ABCC3: variants seen among roughly 807,000 people sequenced by gnomAD.
ABCC3 encodes ATP binding cassette subfamily C member 3.
Under a neutral mutation model 165.3 loss-of-function variants are expected in ABCC3, and 121 were observed. That is an observed-to-expected ratio of 0.73 (90% confidence interval 0.63 to 0.85). The LOEUF (loss-of-function observed/expected upper bound fraction) is 0.85. Ranked by LOEUF, ABCC3 falls within the 40% of genes least tolerant of loss-of-function variation. The pLI is 0.00. For missense variants in ABCC3, 1,869 were observed against 1,964.1 expected (o/e 0.95, Z 0.92); for synonymous variants, 733 against 810.1 (o/e 0.90, Z 1.62).
intron 7 of ABCC3, 49 bp from the exon 8 acceptor site, chr17:50,660,874 G>A (rs1333762696): frequency 2.0e-6 from 3 of 1,520,298 alleles, no homozygotes; most frequent in African/African-American, 1.4e-5. Flanking sequence ...TGGCTTCCTG[G>A]AGCCCCTGTC....
intron 1 of ABCC3, among the ~76,000 whole-genome samples, chr17:50,637,596 C>T (rs562894941): frequency 1.4e-4 from 22 of 152,286 alleles, no homozygotes; most frequent in African/African-American, 5.1e-4. Context: ...CCCTCTGGGC[C>T]GCTCATTTAA....
chr17:50,676,960 C>G (rs1340617764), intron 23 of ABCC3, among the ~76,000 whole-genome samples: 4 of 151,818 alleles, frequency 2.6e-5, no homozygotes, highest in Admixed American at 2.6e-4. Context: ...TCTCAGCTCA[C>G]TGTAACCTCC....
chr17:50,640,044 G>A (rs190032660), intron 1 of ABCC3, among the ~76,000 whole-genome samples: 7 of 152,100 alleles, frequency 4.6e-5, no homozygotes, highest in South Asian at 2.1e-4. Context: ...GATTACAGGC[G>A]TGAGCCACCG....
chr17:50,638,245 G>A (rs769585513), intron 1 of ABCC3, among the ~76,000 whole-genome samples: 1 of 152,174 alleles, frequency 6.6e-6, no homozygotes, highest in Non-Finnish European at 1.5e-5. Flanking sequence ...GGGAGCACCT[G>A]GGTGGTGAAG....
In ABCC3 at chr17:50,673,983, TCTC is replaced by T. The variant is rs1967728521; in HGVS notation, c.2599+326_2599+328del. ...TTCTTTCTTTCTTTCTTTCTTTCTC[TCTC>T]TCTCTCTCTCTCTCTCTCTCTCTCT... On this transcript the variant is annotated intron_variant, in intron 19 of 30. Coordinates refer to ENST00000285238, the MANE Select transcript of ABCC3 (RefSeq NM_003786.4). 2.4e-3 allele frequency among the ~76,000 whole-genome samples: 12 copies of T among 4,954 alleles called. 1 individual carries two copies. The highest frequency in any genetic ancestry group is 0.012 in the South Asian group (2 of 164). The allele number at this position is 4,954 out of a possible 152,430, so 3.3% of individuals were successfully genotyped here.
At chr17:50,651,169 T>C (rs529826113) in intron 1 of ABCC3, among the ~76,000 whole-genome samples, 2 of 152,202 alleles carry the variant, frequency 1.3e-5, no homozygotes, top group South Asian at 4.1e-4. Context: ...CAGCTGTAGA[T>C]TGGTAAATCT....
chr17:50,663,544 G>T, intron 8 of ABCC3, 137 bp from the exon 9 acceptor site: 1 of 1,009,546 alleles, frequency 9.9e-7, no homozygotes, highest in Non-Finnish European at 1.4e-6. Flanking sequence ...ACCCTCCCTG[G>T]CCCAAGAGGT....
chr17:50,659,199 C>A, intron 6 of ABCC3, 38 bp from the exon 7 acceptor site: 6 of 1,608,686 alleles, frequency 3.7e-6, no homozygotes, highest in South Asian at 1.1e-5. Context: ...AACCCTGACC[C>A]TCTGCGGGGC....
chr17:50,658,140 T>C lies in ABCC3; in HGVS notation c.545T>C (p.Leu182Pro), dbSNP rs1185021292. 6.2e-7 allele frequency: 1 copy of C among 1,614,204 alleles called. No individual in the cohort carries two copies. The highest frequency in any genetic ancestry group is 1.3e-5 in the African/African-American group (1 of 75,054). ...TTCTACATCCACTTTGCCCTGGTAC[T>C]CTCTGCCCTCATCTTGGCCTGCTTC... ...TTFYIHFALV[L>P]SALILACFRE... The change falls in exon 5 of 31, where the codon CTC (leucine) becomes CCC (proline). Residue 182 changes from leucine to proline, a missense_variant. Leu to Pro is a moderately conservative substitution (Grantham distance 98, BLOSUM62 -3). Coordinates refer to ENST00000285238, the MANE Select transcript of ABCC3 (RefSeq NM_003786.4).
intron 30 of ABCC3, among the ~76,000 whole-genome samples, chr17:50,689,011 T>C (rs1433715716): frequency 6.6e-6 from 1 of 151,946 alleles, no homozygotes; most frequent in Non-Finnish European, 1.5e-5. Context: ...GAGACCAGCC[T>C]GGCCAACATG....
Position 50,684,718 on chromosome 17 carries a change from C to T in ABCC3, c.4123C>T (p.Leu1375=). The stretch of plus-strand genomic sequence containing the variant: ...CACGTTGTATCCCCAGGACCCCATC[C>T]TGTTCTCGGGGACCCTGCGCATGAA... ...QLTIIPQDPI[L]FSGTLRMNLD... Residue 1375 remains leucine (L), a synonymous_variant, in exon 29 of 31, where the codon CTG becomes TTG. Transcript: ENST00000285238. 1 of 1,614,028 alleles carries T rather than the reference C, an allele frequency of 6.2e-7. No individual in the cohort carries two copies. Among genetic ancestry groups the T allele is most frequent in the African/African-American group, 1.3e-5 (1 of 75,030 alleles).
intron 1 of ABCC3, among the ~76,000 whole-genome samples, chr17:50,654,462 T>G (rs1967181370): frequency 6.6e-6 from 1 of 152,194 alleles, no homozygotes; most frequent in African/African-American, 2.4e-5. Flanking sequence ...TCAGAGCCAG[T>G]AAAGTAACCA....
In ABCC3 at chr17:50,668,627, C is replaced by G. The variant is rs16949205; in HGVS notation, c.1870+110C>G. ...TGACCCCTTTTCTTCTTCCTCTGTT[C>G]ACATCTGCTTCGACTCTGACCTCCT... is the stretch of plus-strand genomic sequence containing the variant. On this transcript the variant is annotated intron_variant, in intron 14 of 30. Transcript: ENST00000285238. 1,295 of 938,210 alleles carry G rather than the reference C, an allele frequency of 1.4e-3. 19 individuals carry two copies. The East Asian group carries it at 0.03, about 22-fold the overall frequency. The allele number at this position is 938,210 out of a possible 1,614,324, so 58.1% of individuals were successfully genotyped here. A position where few individuals can be genotyped will look rare whatever the true frequency, so the allele number is the denominator to read the frequency against.
chr17:50,658,637 AG>A, intron 6 of ABCC3, 141 bp downstream of exon 6: 1 of 924,356 alleles, frequency 1.1e-6, no homozygotes, highest in Non-Finnish European at 1.7e-6. Flanking sequence ...AGGGCAGATG[AG>A]GGTAGGGAAG....
intron 26 of ABCC3, among the ~76,000 whole-genome samples, chr17:50,681,551 A>C (rs1282093484): frequency 1.3e-5 from 2 of 151,748 alleles, no homozygotes; most frequent in African/African-American, 2.4e-5. Flanking sequence ...CACACACGCA[A>C]ACCCTCCCCC....
rs1237945116 is a variant in ABCC3, at chr17:50,669,182, G to T, written c.1980G>T (p.Val660=). 1.4e-5 allele frequency: 22 copies of T among 1,605,674 alleles called. No individual in the cohort carries two copies. Among genetic ancestry groups the T allele is most frequent in the Non-Finnish European group, 1.9e-5 (22 of 1,177,766 alleles). The change falls in exon 16 of 31, where the codon GTG becomes GTT. Residue 660 remains valine (V), a synonymous_variant. Coordinates refer to ENST00000285238, the MANE Select transcript of ABCC3 (RefSeq NM_003786.4). ...QVPKGALVAV[V]GPVGCGKSSL... is the part of the protein sequence containing the mutation. ...CGAAAGGGGCACTGGTGGCCGTGGT[G>T]GGGCCTGTGGGCTGTGGGAAGTCCT...
At chr17:50,661,230 C>A in intron 8 of ABCC3, 116 bp downstream of exon 8, 1 of 1,109,446 alleles carries the variant, frequency 9.0e-7, no homozygotes, top group Non-Finnish European at 1.2e-6. Flanking sequence ...ACCAGGGAGG[C>A]TAGCTCCACT....
intron 19 of ABCC3, among the ~76,000 whole-genome samples, chr17:50,673,962 TTC>T (rs1285153060): frequency 4.8e-5 from 1 of 20,692 alleles, no homozygotes; most frequent in Non-Finnish European, 8.7e-5. Context: ...CTTTCTTTCT[TTC>T]TTTCTTTCTT....
Position 50,655,995 on chromosome 17 carries a change from C to G in ABCC3, c.209C>G (p.Ser70Cys), listed in dbSNP as rs1320364272. The change falls in exon 2 of 31, where the codon TCC becomes TGC. Residue 70 changes from serine to cysteine, a missense_variant. Transcript: ENST00000285238. ...GGCTACATCATCCTCTCCCACCTGT[C>G]CAAGCTCAAGATGGTCAGTGGCTCA... is the stretch of plus-strand genomic sequence containing the variant. ...CRGYIILSHL[S>C]KLKMVLGVLL... is the part of the protein sequence containing the mutation. 6 of 1,613,848 alleles carry G rather than the reference C, an allele frequency of 3.7e-6. No individual in the cohort carries two copies. The highest frequency in any genetic ancestry group is 5.1e-6 in the Non-Finnish European group (6 of 1,179,884).
Sources: gnomAD v4.1 joint callset for allele counts (sites outside exome capture counted in the v4.1 genomes callset) on GRCh38, gnomAD v4.1.1 for gene constraint, MANE v1.5 for transcripts, NCBI Gene and HGNC (gene_info 2026-07-23, HGNC 2026-07-21) for gene names.